TTC6: variants seen among roughly 807,000 people sequenced by gnomAD.
The protein encoded by TTC6 is tetratricopeptide repeat protein 6.
In TTC6, 172 loss-of-function variants were observed where a neutral mutation model predicts 210.4. The ratio of observed to expected loss-of-function variants is 0.82; its 90% CI spans 0.72 to 0.93. TTC6 has a LOEUF of 0.93. Among genes scored for constraint, TTC6 ranks in the 40% least tolerant of loss-of-function variants. The pLI, the probability that TTC6 is intolerant of heterozygous loss-of-function variation, is 0.00. For synonymous variants in TTC6, 804 were observed against 819.6 expected (o/e 0.98, Z 0.32); for missense variants, 2,414 against 2,318.1 (o/e 1.04, Z -0.85).
At chr14:37,635,981 C>CAAAAAA (rs71433909) in intron 1 of TTC6, among the ~76,000 whole-genome samples, 9 of 70,338 alleles carry the variant, frequency 1.3e-4, no homozygotes, top group Non-Finnish European at 2.0e-4. Context: ...ATTCCATTTC[C>CAAAAAA]AAAAAAAAAA....
intron 21 of TTC6, 39 bp downstream of exon 23, chr14:37,804,853 T>C: frequency 6.2e-7 from 1 of 1,604,108 alleles, no homozygotes; most frequent in East Asian, 2.2e-5. Flanking sequence ...ATTTGTGATT[T>C]TAGAGACTGG....
upstream of TTC6, among the ~76,000 whole-genome samples, chr14:37,619,773 C>G (rs961331009): frequency 6.7e-6 from 1 of 149,962 alleles, no homozygotes; most frequent in Non-Finnish European, 1.5e-5. Context: ...CAAGTGCTCC[C>G]TTGTCATTTA....
exon 22 of TTC6, chr14:37,806,413 G>A (rs2096118666): frequency 2.6e-6 from 4 of 1,535,580 alleles, no homozygotes; most frequent in East Asian, 2.4e-5. Context: ...TTTGCAGAAA[G>A]CTTTTATCAG....
At position 37,628,247 on chromosome 14, in the gene TTC6, A is replaced by G. The variant is rs187420591; in HGVS notation, c.939+5244A>G. On this transcript the variant is annotated intron_variant, in intron 1 of 30. Coordinates refer to ENST00000553443, the Ensembl canonical transcript of TTC6. ...CTTGGTCTCCCAAAGTGCTGGGATG[A>G]AAGGCATGAGCCACTGTGCCTGGCC... 7.9e-5 allele frequency among the ~76,000 whole-genome samples: 12 copies of G among 152,324 alleles called. No individual in the cohort carries two copies. The East Asian group carries it at 1.5e-3, about 20-fold the overall frequency.
intron 14 of TTC6, among the ~76,000 whole-genome samples, chr14:37,781,986 ATC>A (rs2096056192): frequency 1.3e-5 from 2 of 152,084 alleles, no homozygotes; most frequent in African/African-American, 4.8e-5. Context: ...ATTGGTCTAT[ATC>A]TCTGTTTTGG....
At chr14:37,706,364 T>A (rs1222074016) in intron 5 of TTC6, among the ~76,000 whole-genome samples, 1 of 152,040 alleles carries the variant, frequency 6.6e-6, no homozygotes, top group Non-Finnish European at 1.5e-5. Flanking sequence ...TCTCAGTCCC[T>A]CCTCCTGGTG....
chr14:37,798,268 T>A (rs1243959046), intron 20 of TTC6, among the ~76,000 whole-genome samples: 1 of 152,106 alleles, frequency 6.6e-6, no homozygotes, highest in Admixed American at 6.6e-5. Context: ...TAGTTTATGA[T>A]CAGAATGATG....
At chr14:37,619,397 TATAAAG>T (rs2095647780), upstream of TTC6, among the ~76,000 whole-genome samples, 1 of 152,160 alleles carries the variant, frequency 6.6e-6, no homozygotes. Flanking sequence ...TAATTACAAT[TATAAAG>T]ATAATTATTT....
intron 10 of TTC6, among the ~76,000 whole-genome samples, chr14:37,741,843 C>T (rs2095920775): frequency 6.6e-6 from 1 of 152,148 alleles, no homozygotes; most frequent in Non-Finnish European, 1.5e-5. Flanking sequence ...CCCTCCTCAG[C>T]TAGGTCATGG....
intron 14 of TTC6, among the ~76,000 whole-genome samples, chr14:37,770,398 TG>T (rs1429979509): frequency 6.6e-6 from 1 of 152,144 alleles, no homozygotes; most frequent in African/African-American, 2.4e-5. Context: ...ATGTTGACCG[TG>T]GGGTGTTAAA....
Position 37,827,187 on chromosome 14 carries a change from A to T in TTC6, c.5128-9A>T. On this transcript the variant is annotated splice_polypyrimidine_tract_variant and intron_variant, in intron 28 of 30. Transcript: ENST00000553443. ...CCCAATGTTAAATAATCATAATATT[A>T]TACTGCAGATCAGTACTACAGCAGA... 1 of 1,604,470 alleles carries T rather than the reference A, an allele frequency of 6.2e-7. No homozygotes were observed. The highest frequency in any genetic ancestry group is 8.5e-7 in the Non-Finnish European group (1 of 1,174,424).
intron 12 of TTC6, among the ~76,000 whole-genome samples, 154 bp downstream of exon 14, chr14:37,749,997 G>A (rs908467465): frequency 1.3e-5 from 2 of 151,876 alleles, no homozygotes; most frequent in African/African-American, 2.4e-5. Flanking sequence ...GTAAATCCGG[G>A]GCTCGTACAA....
chr14:37,779,591 A>G lies in TTC6; in HGVS notation c.3267-7877A>G, dbSNP rs574987287. On this transcript the variant is annotated intron_variant, in intron 14 of 30. Coordinates refer to ENST00000553443, the Ensembl canonical transcript of TTC6. ...ATCTTTTCTTAGAAACATGTCCTTT[A>G]TTATTAGATATTTTTTGTTCTTTGA... 5.3e-5 allele frequency among the ~76,000 whole-genome samples: 8 copies of G among 152,240 alleles called. No homozygotes were observed. In the South Asian group the frequency reaches 1.5e-3, roughly 28 times the overall value.
chr14:37,738,685 T>C (rs947702711), intron 9 of TTC6, 91 bp from the exon 12 acceptor site: 15 of 1,091,354 alleles, frequency 1.4e-5, no homozygotes, highest in Non-Finnish European at 1.7e-5. Flanking sequence ...CAAACCACAT[T>C]AATAGTAATT....
At chr14:37,751,350 C>G in intron 13 of TTC6, 125 bp downstream of exon 15, 1 of 578,506 alleles carries the variant, frequency 1.7e-6, no homozygotes, top group Non-Finnish European at 2.6e-6. Context: ...TGATTTATTA[C>G]AGGTTAGGAG....
chr14:37,741,335 A>T (rs1039450613), intron 10 of TTC6, among the ~76,000 whole-genome samples: 1 of 118,342 alleles, frequency 8.5e-6, no homozygotes, highest in South Asian at 2.8e-4. Context: ...GCTGTTGCCC[A>T]GGCTGGAGTG....
At chr14:37,681,030 G>A (rs979498836) in intron 2 of TTC6, among the ~76,000 whole-genome samples, 2 of 152,126 alleles carry the variant, frequency 1.3e-5, no homozygotes, top group East Asian at 1.9e-4. Context: ...TAGAACTACT[G>A]GAGTTTGAGA....
Position 37,672,803 on chromosome 14 carries a change from G to A in TTC6, c.940-7348G>A, listed in dbSNP as rs1469035453. On this transcript the variant is annotated intron_variant, in intron 1 of 30. Coordinates refer to ENST00000553443, the Ensembl canonical transcript of TTC6. ...ATTTTTGATGACTTGATTTAAGCAA[G>A]CTTTTCATGAATTCCTCATTTTTTT... 4.2e-5 allele frequency among the ~76,000 whole-genome samples: 6 copies of A among 142,952 alleles called. 1 individual carries two copies. The South Asian group carries it at 1.1e-3, about 26-fold the overall frequency. 93.8% of individuals were successfully genotyped at this position (142,952 alleles called of 152,430 possible).
intron 7 of TTC6, among the ~76,000 whole-genome samples, chr14:37,730,406 T>C (rs959445738): frequency 2.6e-5 from 4 of 152,180 alleles, no homozygotes; most frequent in African/African-American, 9.6e-5. Context: ...ATTTATATCC[T>C]TTCCATGAAG....
Sources: gnomAD v4.1 joint callset for allele counts (sites outside exome capture counted in the v4.1 genomes callset) on GRCh38, gnomAD v4.1.1 for gene constraint, MANE v1.5 for transcripts, NCBI Gene and HGNC (gene_info 2026-07-23, HGNC 2026-07-21) for gene names.